The following PARP16 variants were observed in gnomAD, a reference collection of about 807,000 sequenced individuals.
PARP16 encodes poly(ADP-ribose) polymerase family member 16.
A neutral mutation model predicts 35.0 loss-of-function variants in PARP16; 31 were observed. The observed-to-expected ratio is 0.88, with a 90% CI of 0.66 to 1.19. The LOEUF is 1.19. Ranked by LOEUF, PARP16 falls within the 50% of genes most tolerant of loss-of-function variation. PARP16 has a pLI of 0.00. For synonymous variants in PARP16, 162 were observed against 169.5 expected, an observed-to-expected ratio of 0.96 and a Z score of 0.34; for missense variants, 424 against 411.2, an observed-to-expected ratio of 1.03 and a Z score of -0.27.
At chr15:65,267,588 C>A (rs1016474062) in intron 2 of PARP16, among the ~76,000 whole-genome samples, 5 of 77,890 alleles carry the variant, frequency 6.4e-5, no homozygotes, top group African/African-American at 3.2e-4. Flanking sequence ...GCCTGGGCGA[C>A]AGAGCGAGAC....
At chr15:65,250,051 G>T (rs540775864) in intron 2 of PARP16, among the ~76,000 whole-genome samples, 1 of 148,978 alleles carries the variant, frequency 6.7e-6, no homozygotes, top group South Asian at 2.1e-4. Flanking sequence ...TATGCCACCA[G>T]CCTAGGTCTT....
chr15:65,246,823 C>T (rs2089221382), intron 3 of PARP16, among the ~76,000 whole-genome samples: 1 of 152,154 alleles, frequency 6.6e-6, no homozygotes, highest in Non-Finnish European at 1.5e-5. Context: ...GTCCCCACCC[C>T]CAACCACCAT....
chr15:65,255,146 A>G (rs2089463038), downstream of PARP16, among the ~76,000 whole-genome samples: 1 of 152,080 alleles, frequency 6.6e-6, no homozygotes, highest in Non-Finnish European at 1.5e-5. Flanking sequence ...TCTCCCTGAG[A>G]TTTTGGGTCA....
rs372761343 is a variant in PARP16 at position 65,236,428 on chromosome 15, G to C, written c.*98-1605C>G. On this transcript the variant is annotated intron_variant and NMD_transcript_variant, in intron 3 of 3. Coordinates refer to the PARP16 transcript ENST00000559805. Reference sequence around the variant, plus strand: ...CCAAGAGAGAATTCTCTGCAGAAGAGACATTTGGATTGAGATCTGGAACAC... The same window carrying C: ...CCAAGAGAGAATTCTCTGCAGAAGACACATTTGGATTGAGATCTGGAACAC... Among the ~76,000 whole-genome samples, 6 of 152,224 alleles carry C rather than the reference G, an allele frequency of 3.9e-5. No individual in the cohort carries two copies. The East Asian group carries it at 1.2e-3, about 29-fold the overall frequency.
At chr15:65,251,843 C>T (rs964228506) in intron 2 of PARP16, among the ~76,000 whole-genome samples, 106 of 151,988 alleles carry the variant, frequency 7.0e-4, no homozygotes, top group Non-Finnish European at 2.4e-4. Context: ...CAGCTCACTG[C>T]AAGCTCCACC....
At chr15:65,266,229 C>T (rs1329493105) in intron 3 of PARP16, among the ~76,000 whole-genome samples, 1 of 152,178 alleles carries the variant, frequency 6.6e-6, no homozygotes, top group Non-Finnish European at 1.5e-5. Flanking sequence ...TTTTTAAAAG[C>T]TCCCCGAGTG....
rs2090609756 is a variant in PARP16 at position 65,286,689 on chromosome 15, G to A, written c.-263C>T. On this transcript the variant is annotated 5_prime_UTR_variant, in exon 1 of 6. Transcript: ENST00000649807. ...GGTCGGCGGGGAGGTTGGGCCCAGG[G>A]ATAAAGGAACTGGGGCTGGTGGGGG... is the stretch of plus-strand genomic sequence containing the variant. 1 of 290,940 alleles carries A rather than the reference G, an allele frequency of 3.4e-6. No individual in the cohort carries two copies. The highest frequency in any genetic ancestry group is 6.4e-6 in the Non-Finnish European group (1 of 156,010). 18.0% of individuals were successfully genotyped at this position (290,940 alleles called of 1,614,324 possible). A position where few individuals can be genotyped will look rare whatever the true frequency, so the allele number is the denominator to read the frequency against.
chr15:65,260,748 CACCGTGTCCAGCA>C, intron 5 of PARP16, 124 bp downstream of exon 5: 1 of 734,954 alleles, frequency 1.4e-6, no homozygotes, highest in East Asian at 2.5e-5. Context: ...TCTCACTTCT[CACCGTGTCCAGCA>C]TGGTGCTTTA....
At chr15:65,235,659 A>T (rs1390906101) in intron 3 of PARP16, among the ~76,000 whole-genome samples, 1 of 143,328 alleles carries the variant, frequency 7.0e-6, no homozygotes. Flanking sequence ...AAAAAAAAAA[A>T]TTAGCCGGGC....
chr15:65,257,055 G>A (rs773769039), downstream of PARP16, among the ~76,000 whole-genome samples: 1 of 152,218 alleles, frequency 6.6e-6, no homozygotes, highest in Non-Finnish European at 1.5e-5. Flanking sequence ...AGCTGAGGAA[G>A]GTGGATCACT....
At chr15:65,278,212 G>A (rs747338604) in intron 1 of PARP16, among the ~76,000 whole-genome samples, 1 of 152,190 alleles carries the variant, frequency 6.6e-6, no homozygotes, top group African/African-American at 2.4e-5. Flanking sequence ...TGGTGACTCC[G>A]GCCTCCATTA....
In PARP16 at chr15:65,286,380, T is replaced by C. The variant is rs973584504; in HGVS notation, c.47A>G (p.Asp16Gly). 3 of 1,560,856 alleles carry C rather than the reference T, an allele frequency of 1.9e-6. No individual in the cohort carries two copies. Among genetic ancestry groups the C allele is most frequent in the African/African-American group, 2.8e-5 (2 of 71,794 alleles). Residue 16 changes from aspartate (D) to glycine (G), a missense_variant, in exon 1 of 6, where the codon GAC becomes GGC. Coordinates refer to ENST00000649807, the MANE Select transcript of PARP16 (RefSeq NM_001316943.2). ...GCACCGGAGGTCGGCGGCCAGCATG[T>C]CGCGGCCCGCCGCCTCCCTGGCGGC... Reference protein sequence around the residue: ...WAAAREAAGRDMLAADLRCSL... With the variant: ...WAAAREAAGRGMLAADLRCSL...
At chr15:65,284,442 C>T (rs558827246) in intron 1 of PARP16, among the ~76,000 whole-genome samples, 1 of 147,870 alleles carries the variant, frequency 6.8e-6, no homozygotes, top group Admixed American at 6.9e-5. Context: ...TCCCAGGTCC[C>T]AGTTCAAGCA....
intron 3 of PARP16, chr15:65,248,105 G>A: frequency 2.2e-6 from 1 of 452,422 alleles, no homozygotes; most frequent in Non-Finnish European, 4.5e-6. Flanking sequence ...CTCCCGGCCG[G>A]ATTGTTCTTA....
At chr15:65,275,925 C>T (rs1040593529) in intron 1 of PARP16, among the ~76,000 whole-genome samples, 2 of 152,186 alleles carry the variant, frequency 1.3e-5, no homozygotes, top group Non-Finnish European at 2.9e-5. Context: ...CTGTGAGTCA[C>T]AGCCCTTGTC....
rs930196236 is a variant in PARP16, at chr15:65,258,710, T to C, written c.*697A>G. ...TTCCATTTCAGCTGTAATCAGCAGTTGGTAATTTTTGGAAAAAGAGCAGTT... is the reference window on the plus strand; with the variant it reads ...TTCCATTTCAGCTGTAATCAGCAGTCGGTAATTTTTGGAAAAAGAGCAGTT... On this transcript the variant is annotated 3_prime_UTR_variant, in exon 6 of 6. Transcript: ENST00000649807. The C allele has an allele frequency of 1.3e-5, 2 of 152,624 alleles. No homozygotes were observed. The highest frequency in any genetic ancestry group is 2.4e-5 in the African/African-American group (1 of 41,430). The allele number at this position is 152,624 out of a possible 1,614,324, so 9.5% of individuals were successfully genotyped here.
intron 1 of PARP16, among the ~76,000 whole-genome samples, chr15:65,281,257 C>T (rs1295303526): frequency 6.6e-6 from 1 of 152,232 alleles, no homozygotes; most frequent in East Asian, 1.9e-4. Context: ...TACAGGTTCT[C>T]TCATCCAACC....
chr15:65,235,510 A>G (rs1221801504), intron 3 of PARP16, among the ~76,000 whole-genome samples: 1 of 151,792 alleles, frequency 6.6e-6, no homozygotes, highest in Non-Finnish European at 1.5e-5. Flanking sequence ...AAAGGATGTC[A>G]AAAAATTTGC....
At chr15:65,250,384 C>T (rs2140774716) in intron 2 of PARP16, among the ~76,000 whole-genome samples, 1 of 152,110 alleles carries the variant, frequency 6.6e-6, no homozygotes, top group African/African-American at 2.4e-5. Flanking sequence ...TCCCAAAGTG[C>T]TGGGATTACA....
Sources: allele counts gnomAD v4.1 joint callset (sites outside exome capture counted in the v4.1 genomes callset), GRCh38; gene constraint gnomAD v4.1.1; transcripts MANE v1.5; gene names NCBI Gene and HGNC (gene_info 2026-07-23, HGNC 2026-07-21).